Variants in PPTC7 observed in about 807,000 individuals in gnomAD.
PPTC7 encodes protein phosphatase PTC7 homolog.
Under a neutral mutation model 30.8 loss-of-function variants are expected in PPTC7, and 6 were observed. The ratio of observed to expected loss-of-function variants is 0.19; its 90% CI spans 0.11 to 0.38. PPTC7 has a LOEUF of 0.38. Ranked by LOEUF, PPTC7 falls within the 10% of genes least tolerant of loss-of-function variation. PPTC7 has a pLI of 1.00. For missense variants in PPTC7, 218 were observed against 404.8 expected (o/e 0.54, Z 3.96); for synonymous variants, 163 against 168.1 (o/e 0.97, Z 0.23).
At chr12:110,552,979 C>T (rs536856618) in intron 1 of PPTC7, among the ~76,000 whole-genome samples, 28 of 151,962 alleles carry the variant, frequency 1.8e-4, no homozygotes, top group Admixed American at 2.6e-4. Flanking sequence ...GTCAGGAGAT[C>T]GAGACCAGCC....
chr12:110,559,471 A>T (rs1039179953), intron 1 of PPTC7, among the ~76,000 whole-genome samples: 35 of 151,586 alleles, frequency 2.3e-4, no homozygotes, highest in Middle Eastern at 3.4e-3. Flanking sequence ...CACGCCTGTA[A>T]TCCCAGCACT....
intron 1 of PPTC7, among the ~76,000 whole-genome samples, chr12:110,581,795 G>A (rs1427033397): frequency 6.6e-6 from 1 of 152,182 alleles, no homozygotes; most frequent in Non-Finnish European, 1.5e-5. Flanking sequence ...CTCAGCATAT[G>A]AAATTTAAAG....
chr12:110,573,319 A>G (rs2064555595), intron 1 of PPTC7, among the ~76,000 whole-genome samples: 1 of 152,240 alleles, frequency 6.6e-6, no homozygotes, highest in Non-Finnish European at 1.5e-5. Context: ...AGAAAATTGG[A>G]AACAACCTAA....
At chr12:110,559,985 C>A (rs1367498658) in intron 1 of PPTC7, among the ~76,000 whole-genome samples, 2 of 152,128 alleles carry the variant, frequency 1.3e-5, no homozygotes, top group Admixed American at 1.3e-4. Context: ...GCTTCGGCCT[C>A]CCAAAATGCT....
rs974900132 is a variant in PPTC7 at position 110,566,113 on chromosome 12, C to T, written c.224-14145G>A. ...TCTATTACATTCATGCCAGGAACCT[C>T]TCACCATTAATCAGCGCAAACAATG... On this transcript the variant is annotated intron_variant, in intron 1 of 5. Coordinates refer to ENST00000354300, the MANE Select transcript of PPTC7 (RefSeq NM_139283.2). Among the ~76,000 whole-genome samples, 5 of 152,164 alleles carry T rather than the reference C, an allele frequency of 3.3e-5. 1 individual carries two copies. Among genetic ancestry groups the T allele is most frequent in the Non-Finnish European group, 4.4e-5 (3 of 68,044 alleles).
At chr12:110,564,800 T>C (rs142169515) in intron 1 of PPTC7, among the ~76,000 whole-genome samples, 3,881 of 120,106 alleles carry the variant, frequency 0.032, 172 homozygotes, top group African/African-American at 0.11. Flanking sequence ...TATATATATA[T>C]ACACGTATAT....
At chr12:110,561,766 G>A (rs1203788727) in intron 1 of PPTC7, among the ~76,000 whole-genome samples, 4 of 152,052 alleles carry the variant, frequency 2.6e-5, no homozygotes, top group African/African-American at 9.7e-5. Flanking sequence ...AGAGCAACCT[G>A]GGCAACATGG....
At chr12:110,545,771 G>T in intron 3 of PPTC7, 109 bp downstream of exon 3, 1 of 944,852 alleles carries the variant, frequency 1.1e-6, no homozygotes. Flanking sequence ...AACATTCTCA[G>T]TGTATTCTTT....
At position 110,545,949 on chromosome 12, in the gene PPTC7, T is replaced by C; in HGVS notation, c.533A>G (p.His178Arg). 6.2e-7 allele frequency: 1 copy of C among 1,614,168 alleles called. No homozygotes were observed. Among genetic ancestry groups the C allele is most frequent in the Non-Finnish European group, 8.5e-7 (1 of 1,180,028 alleles). ...GAGCTGGAATGGAGTGTTGAAGTAA[T>C]GCTGCTGCTCATCTGATCGGTGCAC... ...EVVHRSDEQQ[H>R]YFNTPFQLSI... The change falls in exon 3 of 6, where the codon CAT (histidine) becomes CGT (arginine). Residue 178 changes from histidine (H) to arginine (R), a missense_variant. Transcript: ENST00000354300.
chr12:110,555,388 A>C (rs999683070), intron 1 of PPTC7, among the ~76,000 whole-genome samples: 1 of 152,260 alleles, frequency 6.6e-6, no homozygotes, highest in African/African-American at 2.4e-5. Flanking sequence ...GAGTGACAGA[A>C]GCACAGATGA....
chr12:110,575,941 G>A (rs1281339962), intron 1 of PPTC7, among the ~76,000 whole-genome samples: 7 of 152,166 alleles, frequency 4.6e-5, no homozygotes, highest in Middle Eastern at 3.4e-3. Context: ...CACCTATATA[G>A]CAAAATGAGA....
chr12:110,579,970 G>T (rs969117349), intron 1 of PPTC7, among the ~76,000 whole-genome samples: 6 of 151,516 alleles, frequency 4.0e-5, no homozygotes, highest in Non-Finnish European at 8.8e-5. Flanking sequence ...CCGAGATGGC[G>T]CCATTGCACT....
At chr12:110,581,044 G>T (rs559268163) in intron 1 of PPTC7, among the ~76,000 whole-genome samples, 2 of 152,138 alleles carry the variant, frequency 1.3e-5, no homozygotes, top group East Asian at 3.9e-4. Flanking sequence ...GCCACCACGC[G>T]CAGCCCAGCA....
Position 110,572,904 on chromosome 12 carries a change from G to A in PPTC7, c.223+9905C>T, listed in dbSNP as rs530784999. 2.6e-5 allele frequency among the ~76,000 whole-genome samples: 4 copies of A among 151,572 alleles called. No homozygotes were observed. The East Asian group carries it at 5.8e-4, about 22-fold the overall frequency. On this transcript the variant is annotated intron_variant, in intron 1 of 5. Coordinates refer to ENST00000354300, the MANE Select transcript of PPTC7 (RefSeq NM_139283.2). ...TTATTTATTTATTTATTTTTGAGAC[G>A]AGTCTCACTCTGTCACCCAGGCTGG...
intron 1 of PPTC7, among the ~76,000 whole-genome samples, chr12:110,574,141 T>TAAAAAAAAAAAAAAAAA (rs58133391): frequency 2.7e-5 from 1 of 37,444 alleles, no homozygotes; most frequent in Non-Finnish European, 4.7e-5. Flanking sequence ...CCACAATAAT[T>TAAAAAAAAAAAAAAAAA]AAAAAAAAAA....
At chr12:110,556,810 C>G (rs1232888427) in intron 1 of PPTC7, among the ~76,000 whole-genome samples, 3 of 152,160 alleles carry the variant, frequency 2.0e-5, no homozygotes, top group South Asian at 2.1e-4. Context: ...ACAGAGAAAC[C>G]AGACAAACGG....
At chr12:110,545,423 A>C (rs528724426) in intron 3 of PPTC7, among the ~76,000 whole-genome samples, 2 of 152,306 alleles carry the variant, frequency 1.3e-5, no homozygotes, top group Non-Finnish European at 2.9e-5. Context: ...CATTTCCTGC[A>C]AGTTCTATTT....
intron 1 of PPTC7, among the ~76,000 whole-genome samples, chr12:110,557,440 A>G (rs949226904): frequency 6.6e-6 from 1 of 150,882 alleles, no homozygotes; most frequent in African/African-American, 2.4e-5. Context: ...ACACCCCGCT[A>G]CTTTTTTTTT....
intron 4 of PPTC7, 59 bp from the exon 5 acceptor site, chr12:110,538,332 T>C (rs2064233730): frequency 6.7e-7 from 1 of 1,498,278 alleles, no homozygotes. Context: ...AACATTTATC[T>C]AACCACCTTT....
Sources: allele counts gnomAD v4.1 joint callset (sites outside exome capture counted in the v4.1 genomes callset), GRCh38; gene constraint gnomAD v4.1.1; transcripts MANE v1.5; gene names NCBI Gene and HGNC (gene_info 2026-07-23, HGNC 2026-07-21).